Variants in PLCXD3 observed in about 807,000 individuals in gnomAD.
PLCXD3 encodes the protein PI-PLC X domain-containing protein 3.
In PLCXD3, 19 loss-of-function variants were observed where a neutral mutation model predicts 25.5. The ratio of observed to expected loss-of-function variants is 0.75; its 90% confidence interval spans 0.52 to 1.09. The LOEUF (loss-of-function observed/expected upper bound fraction) is 1.09, where lower values mean the gene tolerates loss of function less well. Ranked by LOEUF, PLCXD3 falls within the 50% of genes least tolerant of loss-of-function variation. PLCXD3 has a pLI of 0.00. For missense variants in PLCXD3, 411 were observed against 388.1 expected, an observed-to-expected ratio of 1.06 and a Z score of -0.50; for synonymous variants, 174 against 137.6, an observed-to-expected ratio of 1.26 and a Z score of -1.85.
At chr5:41,392,178 A>G (rs1400741424) in intron 1 of PLCXD3, among the ~76,000 whole-genome samples, 1 of 152,150 alleles carries the variant, frequency 6.6e-6, no homozygotes, top group Admixed American at 6.5e-5. Flanking sequence ...CCACCTGCTG[A>G]TTGTACAGCC....
chr5:41,408,845 CAG>C (rs1389241164), intron 1 of PLCXD3, among the ~76,000 whole-genome samples: 1 of 152,010 alleles, frequency 6.6e-6, no homozygotes, highest in Non-Finnish European at 1.5e-5. Context: ...TGTAGTGAGT[CAG>C]GGAGAAGGAT....
chr5:41,326,287 T>C (rs1699472049), intron 2 of PLCXD3, among the ~76,000 whole-genome samples: 1 of 152,172 alleles, frequency 6.6e-6, no homozygotes, highest in African/African-American at 2.4e-5. Context: ...TGGAGAGATG[T>C]TGCCACAGTC....
intron 1 of PLCXD3, among the ~76,000 whole-genome samples, chr5:41,388,894 A>G (rs1745722773): frequency 6.6e-6 from 1 of 151,788 alleles, no homozygotes; most frequent in Non-Finnish European, 1.5e-5. Context: ...ATAACACTAC[A>G]GTAGGAAATA....
intron 1 of PLCXD3, among the ~76,000 whole-genome samples, chr5:41,402,366 T>A (rs1746211548): frequency 2.0e-5 from 3 of 151,940 alleles, no homozygotes; most frequent in Admixed American, 6.6e-5. Flanking sequence ...AAATGTGTTA[T>A]TTTCCAAATA....
intron 1 of PLCXD3, among the ~76,000 whole-genome samples, chr5:41,510,121 G>T (rs1739007603): frequency 1.3e-5 from 2 of 152,026 alleles, no homozygotes; most frequent in Non-Finnish European, 2.9e-5. Context: ...ATAGGAGGGG[G>T]TCACGAGGCA....
intron 1 of PLCXD3, among the ~76,000 whole-genome samples, chr5:41,392,467 G>A (rs1389305449): frequency 6.6e-6 from 1 of 152,146 alleles, no homozygotes; most frequent in African/African-American, 2.4e-5. Context: ...TAAAGGTGAT[G>A]CCTCTACAAG....
intron 2 of PLCXD3, among the ~76,000 whole-genome samples, chr5:41,336,657 G>A (rs944110369): frequency 3.3e-5 from 5 of 152,014 alleles, no homozygotes; most frequent in African/African-American, 1.2e-4. Context: ...TCTGAGAATT[G>A]CCCTCGGCAA....
At chr5:41,313,843 T>A in intron 2 of PLCXD3, 73 bp from the exon 3 acceptor site, 1 of 1,453,950 alleles carries the variant, frequency 6.9e-7, no homozygotes, top group Non-Finnish European at 9.2e-7. Context: ...TTCTCAGTCT[T>A]CCCTTTAGTT....
At chr5:41,493,170 G>T (rs1228869278) in intron 1 of PLCXD3, among the ~76,000 whole-genome samples, 1 of 152,168 alleles carries the variant, frequency 6.6e-6, no homozygotes, top group Non-Finnish European at 1.5e-5. Flanking sequence ...TCAGCTGCAG[G>T]TCTGTTGGAG....
At chr5:41,455,998 G>A (rs1747744603) in intron 1 of PLCXD3, among the ~76,000 whole-genome samples, 1 of 151,898 alleles carries the variant, frequency 6.6e-6, no homozygotes, top group South Asian at 2.1e-4. Context: ...ACTACTGCTG[G>A]TAGTATGGTA....
chr5:41,456,416 G>A (rs900777961), intron 1 of PLCXD3: 3 of 297,574 alleles, frequency 1.0e-5, no homozygotes, highest in Non-Finnish European at 1.5e-5. Context: ...AAATATGTAT[G>A]TACAATGGCT....
chr5:41,376,141 G>T (rs1745289214), intron 2 of PLCXD3, among the ~76,000 whole-genome samples: 1 of 152,012 alleles, frequency 6.6e-6, no homozygotes, highest in Non-Finnish European at 1.5e-5. Flanking sequence ...CACTCAAGAT[G>T]ATCACTGTGA....
intron 2 of PLCXD3, among the ~76,000 whole-genome samples, chr5:41,360,026 A>AT (rs1330573822): frequency 5.9e-5 from 9 of 152,048 alleles, no homozygotes; most frequent in Non-Finnish European, 8.8e-5. Flanking sequence ...GCCTTTGTTC[A>AT]TTTTTTTAAA....
intron 1 of PLCXD3, among the ~76,000 whole-genome samples, chr5:41,497,314 A>G (rs1748863993): frequency 6.6e-6 from 1 of 151,930 alleles, no homozygotes; most frequent in South Asian, 2.1e-4. Context: ...GAGAACATAC[A>G]TAGGCTGAAA....
In PLCXD3 at chr5:41,309,359, G is replaced by A. The variant is rs1021805993; in HGVS notation, c.*4258C>T. On this transcript the variant is annotated 3_prime_UTR_variant, in exon 3 of 3. Coordinates refer to ENST00000377801, the MANE Select transcript of PLCXD3 (RefSeq NM_001005473.3). The stretch of plus-strand genomic sequence containing the variant: ...CCACCAATAAGTTATGGCAGATATA[G>A]CATTTACACCATAGTGTCACTGAAA... 6.6e-5 allele frequency: 10 copies of A among 152,534 alleles called. No individual in the cohort carries two copies. Among genetic ancestry groups the A allele is most frequent in the Non-Finnish European group, 1.3e-4 (9 of 67,996 alleles). 9.4% of individuals were successfully genotyped at this position (152,534 alleles called of 1,614,324 possible).
chr5:41,430,852 A>C (rs1420267534), intron 1 of PLCXD3, among the ~76,000 whole-genome samples: 1 of 152,206 alleles, frequency 6.6e-6, no homozygotes, highest in Non-Finnish European at 1.5e-5. Flanking sequence ...AAAAGTCACA[A>C]GGAAAAACAG....
intron 2 of PLCXD3, 76 bp from the exon 3 acceptor site, chr5:41,313,846 C>G (rs1474474324): frequency 1.4e-6 from 2 of 1,443,986 alleles, no homozygotes; most frequent in Non-Finnish European, 1.9e-6. Context: ...TCAGTCTTCC[C>G]TTTAGTTTCT....
intron 1 of PLCXD3, among the ~76,000 whole-genome samples, chr5:41,418,735 C>A (rs183752111): frequency 2.0e-5 from 3 of 152,274 alleles, no homozygotes; most frequent in East Asian, 3.9e-4. Context: ...CAGATACCAA[C>A]TGAAAAAACT....
At chr5:41,391,965 T>C (rs191781862) in intron 1 of PLCXD3, among the ~76,000 whole-genome samples, 30 of 152,242 alleles carry the variant, frequency 2.0e-4, no homozygotes, top group Non-Finnish European at 4.1e-4. Flanking sequence ...GAGGTTCCTC[T>C]GCCTTTGGAA....
Sources: allele counts gnomAD v4.1 joint callset (sites outside exome capture counted in the v4.1 genomes callset), GRCh38; gene constraint gnomAD v4.1.1; transcripts MANE v1.5; gene names NCBI Gene and HGNC (gene_info 2026-07-23, HGNC 2026-07-21).